MDN1: variants seen among roughly 807,000 people sequenced by gnomAD.
MDN1 encodes the protein midasin.
A neutral mutation model predicts 669.2 loss-of-function variants in MDN1; 266 were observed. The observed-to-expected ratio is 0.40, with a 90% CI of 0.36 to 0.44. The LOEUF is 0.44. MDN1 is among the 20% of genes least tolerant of loss of function. The probability of loss-of-function intolerance (pLI) is 1.00; values close to 1 mark genes in which losing one functional copy is unlikely to be tolerated. For synonymous variants in MDN1, 2,385 were observed against 2,457.1 expected, an observed-to-expected ratio of 0.97 and a Z score of 0.87; for missense variants, 5,940 against 6,754.0, an observed-to-expected ratio of 0.88 and a Z score of 4.22.
intron 9 of MDN1, among the ~76,000 whole-genome samples, chr6:89,784,139 AC>A (rs1818824279): frequency 6.6e-6 from 1 of 151,116 alleles, no homozygotes; most frequent in Admixed American, 6.6e-5. Flanking sequence ...ACATGGTGAA[AC>A]CCCATCTCTA....
chr6:89,790,422 C>T, intron 5 of MDN1, 21 bp from the exon 6 acceptor site: 2 of 1,613,422 alleles, frequency 1.2e-6, no homozygotes, highest in Non-Finnish European at 1.7e-6. Context: ...AAGACAAAAG[C>T]CATGTCAAGA....
chr6:89,652,130 T>C (rs971383758), intron 95 of MDN1, 62 bp downstream of exon 95: 17 of 1,360,112 alleles, frequency 1.2e-5, no homozygotes, highest in Middle Eastern at 1.8e-4. Flanking sequence ...GTTTGCTATA[T>C]GTTGAACAAA....
intron 82 of MDN1, among the ~76,000 whole-genome samples, chr6:89,671,391 T>C (rs1810747431): frequency 1.3e-5 from 2 of 152,262 alleles, no homozygotes; most frequent in South Asian, 4.2e-4. Context: ...TCCCAGCACT[T>C]TGGGAGGCCA....
intron 71 of MDN1, 97 bp from the exon 72 acceptor site, chr6:89,684,001 A>G (rs1811827502): frequency 3.3e-6 from 3 of 897,738 alleles, no homozygotes; most frequent in Non-Finnish European, 3.6e-6. Flanking sequence ...AGCTCACTCT[A>G]TCCCAAACAC....
chr6:89,686,227 C>T (rs1811993935), intron 69 of MDN1, among the ~76,000 whole-genome samples: 1 of 152,116 alleles, frequency 6.6e-6, no homozygotes, highest in Non-Finnish European at 1.5e-5. Flanking sequence ...GAGTTCAAAA[C>T]CAGCCTTGCC....
At chr6:89,807,070 CTT>C (rs984223999) in intron 1 of MDN1, among the ~76,000 whole-genome samples, 6 of 151,988 alleles carry the variant, frequency 3.9e-5, no homozygotes, top group Admixed American at 1.3e-4. Context: ...AAAATCCTGT[CTT>C]AAGCAAACAT....
At chr6:89,813,438 C>A (rs1406864901) in intron 1 of MDN1, among the ~76,000 whole-genome samples, 4 of 151,436 alleles carry the variant, frequency 2.6e-5, no homozygotes, top group African/African-American at 9.7e-5. Flanking sequence ...GTAATCCCAG[C>A]TACTTGGGAG....
chr6:89,781,166 A>G (rs1019295400), intron 10 of MDN1: 3 of 554,500 alleles, frequency 5.4e-6, no homozygotes, highest in Non-Finnish European at 9.6e-6. Flanking sequence ...ACCCTAATCG[A>G]GCCTTCCCAG....
chr6:89,785,885 G>A (rs932689025), intron 8 of MDN1, among the ~76,000 whole-genome samples: 7 of 152,004 alleles, frequency 4.6e-5, no homozygotes, highest in African/African-American at 1.7e-4. Flanking sequence ...GGCTCATGTC[G>A]GTCGTTGGGA....
chr6:89,644,912 G>A (rs1808388680), intron 101 of MDN1, 103 bp downstream of exon 101: 1 of 1,225,808 alleles, frequency 8.2e-7, no homozygotes, highest in Non-Finnish European at 1.1e-6. Flanking sequence ...AATGCTGGGA[G>A]TTCTCAGTAT....
intron 10 of MDN1, among the ~76,000 whole-genome samples, chr6:89,780,924 C>T (rs1818641126): frequency 6.6e-6 from 1 of 151,686 alleles, no homozygotes; most frequent in South Asian, 2.1e-4. Context: ...GCTGGGATTA[C>T]AGGCGTGAGC....
In MDN1 at chr6:89,730,711, A is replaced by T. The variant is rs1375185115; in HGVS notation, c.5140+15T>A. On this transcript the variant is annotated intron_variant, in intron 35 of 101. Transcript: ENST00000369393. The stretch of plus-strand genomic sequence containing the variant: ...TATAGAAAAGGAAAATTCATTTTTT[A>T]AAAATCATTCTTACCCCTTGGTATA... 1 of 1,598,534 alleles carries T rather than the reference A, an allele frequency of 6.3e-7. No individual in the cohort carries two copies. Among genetic ancestry groups the T allele is most frequent in the African/African-American group, 1.4e-5 (1 of 73,894 alleles).
At chr6:89,753,919 T>C (rs1817093070) in intron 21 of MDN1, among the ~76,000 whole-genome samples, 164 bp downstream of exon 21, 1 of 152,106 alleles carries the variant, frequency 6.6e-6, no homozygotes, top group Non-Finnish European at 1.5e-5. Flanking sequence ...AAATAAAAAG[T>C]AAAATATTTA....
Position 89,672,233 on chromosome 6 carries a change from C to T in MDN1, c.13761G>A (p.Ser4587=), listed in dbSNP as rs759420000. 31 of 1,600,406 alleles carry T rather than the reference C, an allele frequency of 1.9e-5. No homozygotes were observed. The highest frequency in any genetic ancestry group is 5.7e-5 in the South Asian group (5 of 88,192). ...AISELLERLK[S]YGEDGTAAKH... is the part of the protein sequence containing the mutation. ...TTGCTGCTGTGCCATCCTCACCGTA[C>T]GATTTCAGCCTCTCCAACAGCTCGG... The change falls in exon 82 of 102, where the codon TCG becomes TCA. Residue 4587 remains serine (S), a synonymous_variant. Coordinates refer to ENST00000369393, the MANE Select transcript of MDN1 (RefSeq NM_014611.3).
chr6:89,670,170 A>ATATATATATATTTTTTT (rs1444537561), intron 83 of MDN1, among the ~76,000 whole-genome samples: 5 of 23,400 alleles, frequency 2.1e-4, no homozygotes, highest in Admixed American at 1.9e-3. Context: ...ATATATATAT[A>ATATATATATATTTTTTT]TTTTTTTTTT....
intron 33 of MDN1, among the ~76,000 whole-genome samples, chr6:89,736,040 A>G (rs752518301): frequency 1.3e-5 from 2 of 152,226 alleles, no homozygotes; most frequent in African/African-American, 4.8e-5. Context: ...ATCTTTAAAG[A>G]AAATCTAAAA....
At chr6:89,781,300 A>G (rs1818658674) in intron 10 of MDN1, 99 bp downstream of exon 10, 2 of 1,238,954 alleles carry the variant, frequency 1.6e-6, no homozygotes, top group Non-Finnish European at 2.3e-6. Flanking sequence ...GGAGTGAGCC[A>G]AAACTGCACC....
intron 67 of MDN1, 46 bp downstream of exon 67, chr6:89,688,032 G>C (rs1812137728): frequency 1.3e-6 from 2 of 1,493,050 alleles, no homozygotes. Flanking sequence ...CGTATCTTTT[G>C]CCAACTGACC....
At chr6:89,701,736 A>G (rs1300290290) in intron 54 of MDN1, 58 bp from the exon 55 acceptor site, 4 of 1,569,128 alleles carry the variant, frequency 2.5e-6, no homozygotes, top group Non-Finnish European at 3.4e-6. Flanking sequence ...GCTAGACAGT[A>G]AGAGAAGCCA....
Sources: gnomAD v4.1 joint callset for allele counts (sites outside exome capture counted in the v4.1 genomes callset) on GRCh38, gnomAD v4.1.1 for gene constraint, MANE v1.5 for transcripts, NCBI Gene and HGNC (gene_info 2026-07-23, HGNC 2026-07-21) for gene names.